Variants in CSPP1 observed in about 807,000 individuals in gnomAD.
The protein encoded by CSPP1 is centrosome and spindle pole-associated protein 1.
In CSPP1, 126 loss-of-function variants were observed where a neutral mutation model predicts 164.4. The observed-to-expected ratio is 0.77, with a 90% confidence interval of 0.66 to 0.89. CSPP1 has a LOEUF of 0.89. Ranked by LOEUF, CSPP1 falls within the 40% of genes least tolerant of loss-of-function variation. The probability of loss-of-function intolerance (pLI) is 0.00; values close to 1 mark genes in which losing one functional copy is unlikely to be tolerated. For synonymous variants in CSPP1, 472 were observed against 476.7 expected, an observed-to-expected ratio of 0.99 and a Z score of 0.13; for missense variants, 1,395 against 1,449.8, an observed-to-expected ratio of 0.96 and a Z score of 0.61.
In CSPP1 at chr8:67,164,457, G is replaced by A. The variant is rs775629891; in HGVS notation, c.2777G>A (p.Arg926His). The change falls in exon 24 of 31, where the codon CGT (arginine) becomes CAT (histidine). Residue 926 changes from arginine (R) to histidine (H), a missense_variant. Transcript: ENST00000678616. ...AAACAGCTTCGTAGTGAAGAGAGGC[G>A]TCTACAAGAGCGATTGCTACACATG... ...MRKQLRSEER[R>H]LQERLLHMDS... is the part of the protein sequence containing the mutation. 1.0e-5 allele frequency: 16 copies of A among 1,606,484 alleles called. No homozygotes were observed. The Admixed American group carries it at 1.0e-4, about 10-fold the overall frequency.
intron 17 of CSPP1, among the ~76,000 whole-genome samples, chr8:67,144,772 G>C (rs1824164316): frequency 6.6e-6 from 1 of 152,032 alleles, no homozygotes; most frequent in Non-Finnish European, 1.5e-5. Context: ...TCTGTGTTTA[G>C]AATTCACCAG....
intron 16 of CSPP1, among the ~76,000 whole-genome samples, chr8:67,136,869 G>C (rs894787491): frequency 2.0e-5 from 3 of 152,092 alleles, no homozygotes; most frequent in Admixed American, 2.0e-4. Context: ...GTAGACACTA[G>C]GGGAGGGAAG....
chr8:67,088,628 G>GGTA (rs1810931397), intron 4 of CSPP1, among the ~76,000 whole-genome samples: 1 of 50 alleles, frequency 0.02, no homozygotes, highest in South Asian at 0.25. Context: ...CCGGGGGCAC[G>GGTA]GCTGACGCCT....
intron 15 of CSPP1, among the ~76,000 whole-genome samples, chr8:67,126,632 A>G (rs1284846956): frequency 6.6e-6 from 1 of 152,186 alleles, no homozygotes; most frequent in Non-Finnish European, 1.5e-5. Context: ...CAGGGTCTCA[A>G]TGCCAGCCAG....
At chr8:67,069,595 G>C (rs1184252401) in intron 1 of CSPP1, among the ~76,000 whole-genome samples, 1 of 151,164 alleles carries the variant, frequency 6.6e-6, no homozygotes, top group Non-Finnish European at 1.5e-5. Context: ...AGTTCCATGT[G>C]AAGGTGGCAT....
chr8:67,159,056 G>T lies in CSPP1; in HGVS notation c.2457G>T (p.Lys819Asn). The T allele has an allele frequency of 6.2e-7, 1 of 1,612,220 alleles. No individual in the cohort carries two copies. The highest frequency in any genetic ancestry group is 8.5e-7 in the Non-Finnish European group (1 of 1,178,928). The change falls in exon 21 of 31, where the codon AAG (lysine) becomes AAT (asparagine). Residue 819 changes from lysine (K) to asparagine (N), a missense_variant. Coordinates refer to ENST00000678616, the MANE Select transcript of CSPP1 (RefSeq NM_001382391.1). ...AAAGACAAAAAGAAGCAGAAAGAAAGAAGAAAGAAGAAGAAGAAAAATATA... is the reference window on the plus strand; with the variant it reads ...AAAGACAAAAAGAAGCAGAAAGAAATAAGAAAGAAGAAGAAGAAAAATATA... ...AEERQKEAER[K>N]KKEEEEKYNL...
At chr8:67,188,848 C>T (rs896523976) in intron 28 of CSPP1, among the ~76,000 whole-genome samples, 6 of 152,228 alleles carry the variant, frequency 3.9e-5, no homozygotes, top group African/African-American at 9.6e-5. Flanking sequence ...ACACTAGTCA[C>T]TGGGTTCCAC....
At chr8:67,070,495 G>A (rs1335005979) in intron 1 of CSPP1, among the ~76,000 whole-genome samples, 2 of 150,512 alleles carry the variant, frequency 1.3e-5, no homozygotes, top group African/African-American at 2.4e-5. Context: ...AATAAGCTGA[G>A]TGTGGTTGCT....
chr8:67,159,957 CTTTCTTTTCTTTTCT>C lies in CSPP1; in HGVS notation c.2538+884_2538+898del, dbSNP rs758860786. ...TCCTTCCTTCCTTCCTTCCTTCCTT[CTTTCTTTTCTTTTCT>C]TTTCTTTTCTTTTCTTTTCTTTTCT... On this transcript the variant is annotated intron_variant, in intron 21 of 30. Transcript: ENST00000678616. Among the ~76,000 whole-genome samples, 161 of 19,998 alleles carry C rather than the reference CTTTCTTTTCTTTTCT, an allele frequency of 8.1e-3. 2 individuals are homozygous for C. The highest frequency in any genetic ancestry group is 0.019 in the Middle Eastern group (1 of 52). The allele number at this position is 19,998 out of a possible 152,430, so 13.1% of individuals were successfully genotyped here.
At chr8:67,182,834 TTTG>T (rs1248496707) in intron 28 of CSPP1, among the ~76,000 whole-genome samples, 1 of 152,236 alleles carries the variant, frequency 6.6e-6, no homozygotes, top group Non-Finnish European at 1.5e-5. Flanking sequence ...TCAGAGTTTT[TTTG>T]TTATTGAGTT....
At chr8:67,107,983 GTT>G (rs34204898) in intron 9 of CSPP1, among the ~76,000 whole-genome samples, 2 of 127,132 alleles carry the variant, frequency 1.6e-5, no homozygotes, top group Non-Finnish European at 3.2e-5. Context: ...CTTTGACAAA[GTT>G]TTTTTTTTTT....
chr8:67,086,281 A>C (rs1230940312), intron 4 of CSPP1, 171 bp downstream of exon 4: 38 of 694,260 alleles, frequency 5.5e-5, no homozygotes, highest in Non-Finnish European at 1.0e-4. Context: ...AGAAAAAAAT[A>C]TTGCTGAGAA....
At chr8:67,154,937 TTTGATA>T (rs1250413278) in intron 19 of CSPP1, among the ~76,000 whole-genome samples, 1 of 152,258 alleles carries the variant, frequency 6.6e-6, no homozygotes, top group African/African-American at 2.4e-5. Flanking sequence ...TTCCAAATGA[TTTGATA>T]TTATTACAGA....
At chr8:67,131,145 A>C (rs1381217921) in intron 15 of CSPP1, among the ~76,000 whole-genome samples, 1 of 152,236 alleles carries the variant, frequency 6.6e-6, no homozygotes, top group Non-Finnish European at 1.5e-5. Context: ...CTGTAATCCC[A>C]GCACTTTGGG....
intron 15 of CSPP1, 102 bp downstream of exon 15, chr8:67,118,923 A>G: frequency 1.4e-6 from 1 of 735,568 alleles, no homozygotes; most frequent in Non-Finnish European, 2.4e-6. Flanking sequence ...TATACTATTT[A>G]GTGGTATTTA....
chr8:67,154,899 G>T (rs2129559296), intron 19 of CSPP1, among the ~76,000 whole-genome samples: 1 of 152,288 alleles, frequency 6.6e-6, no homozygotes, highest in African/African-American at 2.4e-5. Context: ...CTAGATATTT[G>T]TAAGTTATTA....
In CSPP1 at chr8:67,164,430, G is replaced by A; in HGVS notation, c.2750G>A (p.Arg917Lys). Residue 917 changes from arginine to lysine, a missense_variant, in exon 24 of 31, where the codon AGA (arginine) becomes AAA (lysine). Transcript: ENST00000678616. ...KNVIMELSEM[R>K]KQLRSEERRL... ...GTAATTATGGAATTATCAGAAATGAGAAAACAGCTTCGTAGTGAAGAGAGG... is the reference window on the plus strand; with the variant it reads ...GTAATTATGGAATTATCAGAAATGAAAAAACAGCTTCGTAGTGAAGAGAGG... The A allele has an allele frequency of 6.2e-7, 1 of 1,603,924 alleles. No homozygotes were observed. Among genetic ancestry groups the A allele is most frequent in the African/African-American group, 1.3e-5 (1 of 74,858 alleles).
chr8:67,113,925 C>T, intron 11 of CSPP1, 63 bp downstream of exon 11: 1 of 950,520 alleles, frequency 1.1e-6, no homozygotes, highest in East Asian at 2.5e-5. Flanking sequence ...AATGTGGTGG[C>T]AGGTGGGGAT....
At chr8:67,065,493 A>G (rs1250766230) in intron 1 of CSPP1, 3 of 972,476 alleles carry the variant, frequency 3.1e-6, no homozygotes, top group South Asian at 9.5e-5. Context: ...ATTCTGTGTG[A>G]AGGAATGACT....
Sources: gnomAD v4.1 joint callset for allele counts (sites outside exome capture counted in the v4.1 genomes callset) on GRCh38, gnomAD v4.1.1 for gene constraint, MANE v1.5 for transcripts, NCBI Gene and HGNC (gene_info 2026-07-23, HGNC 2026-07-21) for gene names.